Variants in KIF4A observed in about 807,000 individuals in gnomAD.
KIF4A encodes chromosome-associated kinesin KIF4A.
A neutral mutation model predicts 105.9 loss-of-function variants in KIF4A; 7 were observed. That is an observed-to-expected ratio of 0.07 (90% CI 0.04 to 0.12). KIF4A has a LOEUF of 0.12. KIF4A is among the 10% of genes least tolerant of loss of function. The pLI is 1.00. For missense variants in KIF4A, 558 were observed against 929.2 expected, an observed-to-expected ratio of 0.60 and a Z score of 5.19; for synonymous variants, 281 against 331.3, an observed-to-expected ratio of 0.85 and a Z score of 1.65.
At chrX:70,302,215 GA>G (rs1778036748) in intron 6 of KIF4A, 88 bp from the exon 7 acceptor site, 4 of 1,112,829 alleles carry the variant, frequency 3.6e-6, no homozygotes, top group Non-Finnish European at 4.9e-6. Context: ...TGACTTGAAA[GA>G]AAATGAGAGC....
chrX:70,386,888 T>TA (rs2086219761), intron 19 of KIF4A, among the ~76,000 whole-genome samples, 187 bp downstream of exon 19: 1 of 111,918 alleles, frequency 8.9e-6, no homozygotes, highest in African/African-American at 3.2e-5. Flanking sequence ...TGAAAAATGG[T>TA]ACTGTTCAAA....
At chrX:70,389,414 A>G (rs1312688635) in intron 20 of KIF4A, among the ~76,000 whole-genome samples, 1 of 112,024 alleles carries the variant, frequency 8.9e-6, no homozygotes, top group South Asian at 3.7e-4. Context: ...TAAAAATACA[A>G]AAAATTAGTT....
chrX:70,350,056 G>A (rs990731519), intron 13 of KIF4A, among the ~76,000 whole-genome samples: 14 of 109,820 alleles, frequency 1.3e-4, no homozygotes, highest in Admixed American at 3.8e-4. Flanking sequence ...GCGGCCAGGC[G>A]GAGACGCTCC....
intron 22 of KIF4A, 107 bp from the exon 23 acceptor site, chrX:70,402,459 A>G (rs1002720844): frequency 2.2e-6 from 2 of 922,097 alleles, no homozygotes; most frequent in African/African-American, 4.0e-5. Flanking sequence ...ATGATATTTA[A>G]CTGATAGCTC....
intron 15 of KIF4A, among the ~76,000 whole-genome samples, chrX:70,368,166 AG>A (rs1436042800): frequency 9.0e-6 from 1 of 111,494 alleles, no homozygotes; most frequent in African/African-American, 3.3e-5. Flanking sequence ...TCTTTTTTCA[AG>A]GTTTTTAACT....
intron 10 of KIF4A, 53 bp from the exon 11 acceptor site, chrX:70,341,746 T>C: frequency 8.8e-7 from 1 of 1,134,171 alleles, no homozygotes; most frequent in South Asian, 2.0e-5. Context: ...CCACCTTTGA[T>C]ATAGGTATTA....
chrX:70,418,239 A>G (rs753193822), intron 29 of KIF4A, among the ~76,000 whole-genome samples: 22 of 111,692 alleles, frequency 2.0e-4, no homozygotes, highest in Non-Finnish European at 3.0e-4. Flanking sequence ...ATTCCCAGGT[A>G]TAGAGCTCCC....
At chrX:70,403,783 C>T in intron 23 of KIF4A, 81 bp from the exon 24 acceptor site, 1 of 908,490 alleles carries the variant, frequency 1.1e-6, no homozygotes, top group Non-Finnish European at 1.5e-6. Context: ...TTCAAGAAAG[C>T]TGACATTATC....
intron 13 of KIF4A, among the ~76,000 whole-genome samples, chrX:70,347,974 CA>C (rs61178799): frequency 0.038 from 890 of 23,151 alleles, 131 homozygotes; most frequent in Admixed American, 0.37. Flanking sequence ...GACTCCGTCT[CA>C]AAAAAAAAAA....
chrX:70,344,034 C>A, intron 13 of KIF4A, 52 bp downstream of exon 13: 1 of 910,906 alleles, frequency 1.1e-6, no homozygotes, highest in Non-Finnish European at 1.6e-6. Flanking sequence ...ATTTGTTTCT[C>A]TTGACACATA....
In KIF4A at chrX:70,395,597, G is replaced by A; in HGVS notation, c.2233-74G>A. 25 of 1,160,168 alleles carry A rather than the reference G, an allele frequency of 2.2e-5. No homozygotes were observed. The South Asian group carries it at 4.6e-4, about 21-fold the overall frequency. On this transcript the variant is annotated intron_variant, in intron 20 of 30. Coordinates refer to ENST00000374403, the MANE Select transcript of KIF4A (RefSeq NM_012310.5). ...TGGGCTCTGGTCCAAATGAAGTTAA[G>A]TCTGGAGCTGAATCTAGCCCATGAG...
rs145116497 is a variant in KIF4A at position 70,414,823 on chromosome X, G to A, written c.3256-3065G>A. Among the ~76,000 whole-genome samples the A allele has an allele frequency of 4.0e-3, 453 of 111,873 alleles. 3 individuals are homozygous for A. The highest frequency in any genetic ancestry group is 0.014 in the African/African-American group (433 of 30,852). ...CAGATAATTAGACCAGGGATGTTAA[G>A]AGGGGCTTCATACATCAAACCAGTC... On this transcript the variant is annotated intron_variant, in intron 28 of 30. Coordinates refer to ENST00000374403, the MANE Select transcript of KIF4A (RefSeq NM_012310.5).
At chrX:70,407,189 C>A in intron 28 of KIF4A, 114 bp downstream of exon 28, 4 of 797,288 alleles carry the variant, frequency 5.0e-6, no homozygotes, top group Non-Finnish European at 7.0e-6. Context: ...CTCACTGCAA[C>A]CTCTGCCTCC....
Position 70,402,562 on chromosome X carries a change from G to A in KIF4A, c.2490-4G>A, listed in dbSNP as rs2086286181. ...AATAAGGCTTACTGTTTCTTTCCCT[G>A]AAGGAGTGCTCAGATTGCTGACCTA... is the stretch of plus-strand genomic sequence containing the variant. On this transcript the variant is annotated splice_polypyrimidine_tract_variant and splice_region_variant and intron_variant, in intron 22 of 30. Transcript: ENST00000374403. 1.7e-6 allele frequency: 2 copies of A among 1,209,980 alleles called. No homozygotes were observed. The highest frequency in any genetic ancestry group is 1.7e-5 in the African/African-American group (1 of 57,430).
intron 10 of KIF4A, among the ~76,000 whole-genome samples, chrX:70,335,764 A>AT (rs1333659495): frequency 1.8e-5 from 2 of 111,951 alleles, no homozygotes; most frequent in African/African-American, 6.5e-5. Context: ...GTGTGGAACA[A>AT]TTGACATTGG....
chrX:70,389,813 G>GTCC (rs200266694), intron 20 of KIF4A, among the ~76,000 whole-genome samples: 9,892 of 111,709 alleles, frequency 0.089, 360 homozygotes, highest in African/African-American at 0.12. Flanking sequence ...ATCAGTGTAA[G>GTCC]TCCAAAGTTG....
At chrX:70,351,699 A>G (rs1222395705) in intron 13 of KIF4A, among the ~76,000 whole-genome samples, 1 of 111,989 alleles carries the variant, frequency 8.9e-6, no homozygotes, top group Admixed American at 9.4e-5. Flanking sequence ...TTCTGGGAGT[A>G]CCCATCTAAG....
intron 22 of KIF4A, among the ~76,000 whole-genome samples, chrX:70,400,207 A>G (rs1366720217): frequency 1.0e-5 from 1 of 99,067 alleles, no homozygotes; most frequent in South Asian, 5.3e-4. Context: ...AGAGTGTGAT[A>G]TTCCCCTTCC....
At chrX:70,337,749 A>G (rs189684449) in intron 10 of KIF4A, among the ~76,000 whole-genome samples, 1 of 112,257 alleles carries the variant, frequency 8.9e-6, no homozygotes, top group Non-Finnish European at 1.9e-5. Context: ...ATGTCTGATC[A>G]TATCCCTGCT....
Sources: allele counts gnomAD v4.1 joint callset (sites outside exome capture counted in the v4.1 genomes callset), GRCh38; gene constraint gnomAD v4.1.1; transcripts MANE v1.5; gene names NCBI Gene and HGNC (gene_info 2026-07-23, HGNC 2026-07-21).